CLN6: variants seen among roughly 807,000 people sequenced by gnomAD.
The protein encoded by CLN6 is CLN6 transmembrane ER protein, also known as ceroid-lipofuscinosis neuronal protein 6.
Under a neutral mutation model 33.3 loss-of-function variants are expected in CLN6, and 22 were observed. The ratio of observed to expected loss-of-function variants is 0.66; its 90% CI spans 0.47 to 0.94. The LOEUF (loss-of-function observed/expected upper bound fraction) is 0.94, where lower values mean the gene tolerates loss of function less well. Ranked by LOEUF, CLN6 falls within the 40% of genes least tolerant of loss-of-function variation. The probability of loss-of-function intolerance (pLI) is 0.00; values close to 1 mark genes in which losing one functional copy is unlikely to be tolerated. For missense variants in CLN6, 387 were observed against 417.1 expected (o/e 0.93, Z 0.63); for synonymous variants, 201 against 174.6 (o/e 1.15, Z -1.19).
chr15:68,255,019 G>A, intron 1 of CLN6: 1 of 695,516 alleles, frequency 1.4e-6, no homozygotes, highest in Non-Finnish European at 2.6e-6. Context: ...TTTAAGCTAT[G>A]TTGTTAGCAC....
At position 68,209,872 on chromosome 15, in the gene CLN6, G is replaced by A. The variant is rs1454561661; in HGVS notation, c.543-113C>T. ...AGTGCCACGTCACAGTTTACAAAAC[G>A]CCTAGCCTGGGTGAGAGGCGCTCCT... is the stretch of plus-strand genomic sequence containing the variant. On this transcript the variant is annotated intron_variant, in intron 5 of 6. Coordinates refer to ENST00000249806, the MANE Select transcript of CLN6 (RefSeq NM_017882.3). This position sits in a 1 kb window ranked among gnomAD's most constrained non-coding sequence, Gnocchi z 4.9. The A allele has an allele frequency of 1.1e-5, 16 of 1,471,764 alleles. No homozygotes were observed. The highest frequency in any genetic ancestry group is 2.3e-5 in the East Asian group (1 of 43,186). The allele number at this position is 1,471,764 out of a possible 1,614,324, so 91.2% of individuals were successfully genotyped here.
chr15:68,211,754 C>G lies in CLN6; in HGVS notation c.407G>C (p.Arg136Pro). 6.2e-7 allele frequency: 1 copy of G among 1,613,878 alleles called. No homozygotes were observed. The highest frequency in any genetic ancestry group is 8.5e-7 in the Non-Finnish European group (1 of 1,180,008). Residue 136 changes from arginine (R) to proline (P), a missense_variant, in exon 4 of 7, where the codon CGC becomes CCC. By Grantham distance (103) the Arg-to-Pro change is moderately radical. Transcript: ENST00000249806. This position sits in a 1 kb window ranked among gnomAD's most constrained non-coding sequence, Gnocchi z 5.9. ...GTGCTGGTAGCCACTGAAGAGCAGG[C>G]GGTGGTTGACAGAGTCACCCACCAG... is the stretch of plus-strand genomic sequence containing the variant. The part of the protein sequence containing the change: ...IHLVGDSVNH[R>P]LLFSGYQHHL...
Position 68,227,229 on chromosome 15 carries a change from G to A in CLN6, c.83+2273C>T, listed in dbSNP as rs1355073623. ...ATTTTTGTATTTTTTAGTAGAGACG[G>A]GGATTCTCCATGTTGGCCAGGCTGG... On this transcript the variant is annotated intron_variant, in intron 1 of 6. Coordinates refer to ENST00000249806, the MANE Select transcript of CLN6 (RefSeq NM_017882.3). The surrounding 1 kb of genome is among the most constrained non-coding windows in gnomAD (Gnocchi z 4.1). Among the ~76,000 whole-genome samples the A allele has an allele frequency of 6.6e-6, 1 of 151,784 alleles. No homozygotes were observed. Among genetic ancestry groups the A allele is most frequent in the African/African-American group, 2.4e-5 (1 of 41,392 alleles).
intron 2 of CLN6, 121 bp downstream of exon 2, chr15:68,218,415 T>A: frequency 1.3e-6 from 1 of 787,802 alleles, no homozygotes; most frequent in Admixed American, 1.8e-5. Context: ...CATCCAGGCC[T>A]ATTCTCTCAG....
intron 1 of CLN6, among the ~76,000 whole-genome samples, chr15:68,254,122 G>A (rs1280985587): frequency 1.3e-5 from 2 of 151,370 alleles, no homozygotes; most frequent in African/African-American, 4.9e-5. Flanking sequence ...CTCGTGATCC[G>A]CCCGTCTCGG....
chr15:68,207,964 C>T lies in CLN6; in HGVS notation c.*176G>A, dbSNP rs1282841706. On this transcript the variant is annotated 3_prime_UTR_variant, in exon 7 of 7. Coordinates refer to ENST00000249806, the MANE Select transcript of CLN6 (RefSeq NM_017882.3). ...TAGAGTCTGAAAATGATGCACTCTG[C>T]GCACACATATACAAGACACACACAC... 7 of 606,178 alleles carry T rather than the reference C, an allele frequency of 1.2e-5. No individual in the cohort carries two copies. The highest frequency in any genetic ancestry group is 3.0e-5 in the Admixed American group (1 of 33,430). 37.5% of individuals were successfully genotyped at this position (606,178 alleles called of 1,614,324 possible). A position where few individuals can be genotyped will look rare whatever the true frequency, so the allele number is the denominator to read the frequency against.
intron 1 of CLN6, among the ~76,000 whole-genome samples, chr15:68,218,998 C>T (rs369189115): frequency 6.6e-6 from 1 of 152,210 alleles, no homozygotes; most frequent in African/African-American, 2.4e-5. Flanking sequence ...ATCATGGCAG[C>T]TGACCTTAGT....
In CLN6 at chr15:68,210,764, G is replaced by A. The variant is rs1017194480; in HGVS notation, c.542+499C>T. Reference sequence around the variant, plus strand: ...TGCCCCTCTGGGAGTTCTGAAGAGGGGGGAGCGCAAACAGCACGCCCCTCC... The same window carrying A: ...TGCCCCTCTGGGAGTTCTGAAGAGGAGGGAGCGCAAACAGCACGCCCCTCC... On this transcript the variant is annotated intron_variant, in intron 5 of 6. Coordinates refer to ENST00000249806, the MANE Select transcript of CLN6 (RefSeq NM_017882.3). The surrounding 1 kb of genome is among the most constrained non-coding windows in gnomAD (Gnocchi z 5.6). Among the ~76,000 whole-genome samples the A allele has an allele frequency of 6.6e-6, 1 of 152,142 alleles. No individual in the cohort carries two copies. The highest frequency in any genetic ancestry group is 1.5e-5 in the Non-Finnish European group (1 of 68,012).
rs1382358719 is a variant in CLN6, at chr15:68,219,701, A to G, written c.84-1051T>C. ...CTCTCCCATCTAGACCCTCGAGAAC[A>G]GGGGTGACCTTTAAGGTTCTCCCAA... On this transcript the variant is annotated intron_variant, in intron 1 of 6. Coordinates refer to ENST00000249806, the MANE Select transcript of CLN6 (RefSeq NM_017882.3). The surrounding 1 kb of genome is among the most constrained non-coding windows in gnomAD (Gnocchi z 4.2). Among the ~76,000 whole-genome samples, 1 of 152,130 alleles carries G rather than the reference A, an allele frequency of 6.6e-6. No homozygotes were observed. Among genetic ancestry groups the G allele is most frequent in the Non-Finnish European group, 1.5e-5 (1 of 68,002 alleles).
At chr15:68,229,315 C>CGCGGGGGCACCGCCGCCACGGT (rs2093261331) in intron 1 of CLN6, among the ~76,000 whole-genome samples, 187 bp downstream of exon 1, 1 of 148,884 alleles carries the variant, frequency 6.7e-6, no homozygotes, top group Non-Finnish European at 1.5e-5. Context: ...GCTCCCCAGA[C>CGCGGGGGCACCGCCGCCACGGT]AGAGAAGGAA....
chr15:68,244,692 T>A (rs1057014685), intron 1 of CLN6, among the ~76,000 whole-genome samples: 1 of 152,016 alleles, frequency 6.6e-6, no homozygotes, highest in African/African-American at 2.4e-5. Context: ...AGATGTAAAA[T>A]TCACTCATAA....
In CLN6 at chr15:68,246,883, C is replaced by T. The variant is rs377526481; in HGVS notation, c.179+9807G>A. Reference sequence around the variant, plus strand: ...AATAAAATTAAAAATGGGCTGGGCACGGTGGCTCATGACTGTAATCCTAGC... The same window carrying T: ...AATAAAATTAAAAATGGGCTGGGCATGGTGGCTCATGACTGTAATCCTAGC... On this transcript the variant is annotated intron_variant, in intron 1 of 6. Transcript: ENST00000538696. This position sits in a 1 kb window ranked among gnomAD's most constrained non-coding sequence, Gnocchi z 4.5. 8.6e-4 allele frequency among the ~76,000 whole-genome samples: 131 copies of T among 152,080 alleles called. No homozygotes were observed. The highest frequency in any genetic ancestry group is 3.0e-3 in the African/African-American group (124 of 41,438).
chr15:68,211,391 A>G lies in CLN6; in HGVS notation c.487-73T>C, dbSNP rs2093204708. The G allele has an allele frequency of 1.1e-5, 17 of 1,568,592 alleles. No individual in the cohort carries two copies. In the South Asian group the frequency reaches 1.7e-4, roughly 15 times the overall value. On this transcript the variant is annotated intron_variant, in intron 4 of 6. Coordinates refer to ENST00000249806, the MANE Select transcript of CLN6 (RefSeq NM_017882.3). This position sits in a 1 kb window ranked among gnomAD's most constrained non-coding sequence, Gnocchi z 5.9. ...CCAGGGAGGTGCTGGGGCCCCAAGCATCCCCTCTGACCACCCTTCTCCCAG... is the reference window on the plus strand; with the variant it reads ...CCAGGGAGGTGCTGGGGCCCCAAGCGTCCCCTCTGACCACCCTTCTCCCAG...
At chr15:68,217,283 G>A (rs2093223137) in intron 2 of CLN6, among the ~76,000 whole-genome samples, 1 of 152,190 alleles carries the variant, frequency 6.6e-6, no homozygotes, top group Non-Finnish European at 1.5e-5. Flanking sequence ...CCAGGCTGGA[G>A]TGCAGCGGTG....
chr15:68,240,707 G>T (rs1358376491), intron 1 of CLN6, among the ~76,000 whole-genome samples: 1 of 151,764 alleles, frequency 6.6e-6, no homozygotes, highest in Non-Finnish European at 1.5e-5. Flanking sequence ...GACAGGGCCG[G>T]GTGCGGTGGC....
chr15:68,234,432 AAGG>A (rs1892198474), upstream of CLN6, among the ~76,000 whole-genome samples: 2 of 152,182 alleles, frequency 1.3e-5, no homozygotes, highest in South Asian at 2.1e-4. The surrounding 1 kb of genome is among the most constrained non-coding windows in gnomAD (Gnocchi z 4.1). Flanking sequence ...CAGCCAAGGG[AAGG>A]AGAAGTGTAT....
In CLN6 at chr15:68,211,641, G is replaced by A. The variant is rs768711671; in HGVS notation, c.486+34C>T. ...CCTCCCAGGACAGACTGTGCTCCTA[G>A]GGCTTACAGGCAGGGAGCAGGAGGT... On this transcript the variant is annotated intron_variant, in intron 4 of 6. Coordinates refer to ENST00000249806, the MANE Select transcript of CLN6 (RefSeq NM_017882.3). This position sits in a 1 kb window ranked among gnomAD's most constrained non-coding sequence, Gnocchi z 5.9. 9.9e-6 allele frequency: 16 copies of A among 1,611,570 alleles called. No individual in the cohort carries two copies. Among genetic ancestry groups the A allele is most frequent in the Non-Finnish European group, 1.3e-5 (15 of 1,179,984 alleles).
At chr15:68,231,259 C>A (rs1042712722), upstream of CLN6, among the ~76,000 whole-genome samples, 1 of 151,496 alleles carries the variant, frequency 6.6e-6, no homozygotes, top group East Asian at 1.9e-4. Context: ...ACACCTCAAT[C>A]CCCCCCCTCC....
Position 68,208,186 on chromosome 15 carries a change from G to T in CLN6, c.890C>A (p.Pro297His). The T allele has an allele frequency of 1.2e-6, 2 of 1,607,312 alleles. No homozygotes were observed. Among genetic ancestry groups the T allele is most frequent in the Non-Finnish European group, 1.7e-6 (2 of 1,175,938 alleles). Reference protein sequence around the residue: ...RKKYPGVIYVPEPWAFYTLHV... With the variant: ...RKKYPGVIYVHEPWAFYTLHV... ...AAGGGTGTAGAAAGCCCAGGGCTCAGGGACGTAGATGACACCCGGGTACTT... is the reference window on the plus strand; with the variant it reads ...AAGGGTGTAGAAAGCCCAGGGCTCATGGACGTAGATGACACCCGGGTACTT... The change falls in exon 7 of 7, where the codon CCT (proline) becomes CAT (histidine). Residue 297 changes from proline (P) to histidine (H), a missense_variant. Physicochemically the swap from Pro to His is moderately conservative, Grantham distance 77. Coordinates refer to ENST00000249806, the MANE Select transcript of CLN6 (RefSeq NM_017882.3). The surrounding 1 kb of genome is among the most constrained non-coding windows in gnomAD (Gnocchi z 5.8).
Sources: gnomAD v4.1 joint callset for allele counts (sites outside exome capture counted in the v4.1 genomes callset) on GRCh38, gnomAD v4.1.1 for gene constraint, Gnocchi (gnomAD v3.1) non-coding constraint, MANE v1.5 for transcripts, NCBI Gene and HGNC (gene_info 2026-07-23, HGNC 2026-07-21) for gene names.